Variants in METTL22 observed in about 807,000 individuals in gnomAD.
METTL22 encodes the protein methyltransferase 22, Kin17 lysine, also known as methyltransferase-like protein 22.
In METTL22, 51 loss-of-function variants were observed where a neutral mutation model predicts 48.4. The observed-to-expected ratio is 1.05, with a 90% confidence interval of 0.84 to 1.33. The LOEUF is 1.33. Ranked by LOEUF, METTL22 falls within the 40% of genes most tolerant of loss-of-function variation. The pLI, the probability that METTL22 is intolerant of heterozygous loss-of-function variation, is 0.00. For synonymous variants in METTL22, 255 were observed against 214.1 expected (o/e 1.19, Z -1.67); for missense variants, 678 against 526.9 (o/e 1.29, Z -2.81).
intron 1 of METTL22, among the ~76,000 whole-genome samples, chr16:8,622,835 C>G (rs970864638): frequency 6.6e-6 from 1 of 152,154 alleles, no homozygotes; most frequent in Non-Finnish European, 1.5e-5. Context: ...CTGGAACTTA[C>G]ATTGCAGCGT....
Position 8,639,109 on chromosome 16 carries a change from T to C in METTL22, c.719T>C (p.Leu240Ser), listed in dbSNP as rs762132574. 3.7e-6 allele frequency: 6 copies of C among 1,613,876 alleles called. No individual in the cohort carries two copies. The highest frequency in any genetic ancestry group is 5.1e-6 in the Non-Finnish European group (6 of 1,179,998). Reference protein sequence around the residue: ...VYCTDVGADLLSMCQRNIALN... With the variant: ...VYCTDVGADLSSMCQRNIALN... ...ATTCCAGATGTCGGTGCAGATCTCT[T>C]GTCCATGTGCCAGCGAAACATTGCC... is the stretch of plus-strand genomic sequence containing the variant. The change falls in exon 6 of 11, where the codon TTG becomes TCG. Residue 240 changes from leucine to serine, a missense_variant. Leu to Ser is a moderately radical substitution (Grantham distance 145). Coordinates refer to ENST00000381920, the MANE Select transcript of METTL22 (RefSeq NM_024109.4).
downstream of METTL22, among the ~76,000 whole-genome samples, chr16:8,653,263 G>A (rs1276231847): frequency 6.6e-6 from 1 of 152,178 alleles, no homozygotes; most frequent in Non-Finnish European, 1.5e-5. Flanking sequence ...TTAACCCTCT[G>A]TTAAAATCAC....
chr16:8,634,939 C>G, intron 3 of METTL22, 100 bp from the exon 4 acceptor site: 1 of 1,486,998 alleles, frequency 6.7e-7, no homozygotes, highest in Non-Finnish European at 9.4e-7. Flanking sequence ...CTCTGACGCC[C>G]ATCTGACCGT....
At chr16:8,634,144 T>A (rs942510343) in intron 3 of METTL22, among the ~76,000 whole-genome samples, 3 of 152,230 alleles carry the variant, frequency 2.0e-5, no homozygotes, top group Non-Finnish European at 4.4e-5. Context: ...TATTCAGAGA[T>A]CAGATTCTAA....
chr16:8,642,546 A>G lies in METTL22; in HGVS notation c.991A>G (p.Ile331Val), dbSNP rs1255557146. 3 of 1,614,216 alleles carry G rather than the reference A, an allele frequency of 1.9e-6. No individual in the cohort carries two copies. Among genetic ancestry groups the G allele is most frequent in the Non-Finnish European group, 2.5e-6 (3 of 1,180,044 alleles). The change falls in exon 9 of 11, where the codon ATA (isoleucine) becomes GTA (valine). Residue 331 changes from isoleucine to valine, a missense_variant. Transcript: ENST00000381920. ...CAGATTGAAAAATGCCTGCACAGCCATACTGTCGGTGGAGAAGAGGTGAGC... is the reference window on the plus strand; with the variant it reads ...CAGATTGAAAAATGCCTGCACAGCCGTACTGTCGGTGGAGAAGAGGTGAGC... ...AHRLKNACTA[I>V]LSVEKRLNFT...
intron 5 of METTL22, among the ~76,000 whole-genome samples, chr16:8,635,737 T>C (rs1002728582): frequency 5.9e-5 from 9 of 152,248 alleles, no homozygotes; most frequent in African/African-American, 1.9e-4. Context: ...AAATTACTCA[T>C]AATTTTACAA....
chr16:8,642,535 C>T lies in METTL22; in HGVS notation c.980C>T (p.Ala327Val), dbSNP rs774092602. 2.5e-6 allele frequency: 4 copies of T among 1,614,218 alleles called. No individual in the cohort carries two copies. The highest frequency in any genetic ancestry group is 3.4e-6 in the Non-Finnish European group (4 of 1,180,044). The change falls in exon 9 of 11, where the codon GCC becomes GTC. Residue 327 changes from alanine (A) to valine (V), a missense_variant. Coordinates refer to ENST00000381920, the MANE Select transcript of METTL22 (RefSeq NM_024109.4). ...LSRLAHRLKN[A>V]CTAILSVEKR... ...CGACTCGCCCACAGATTGAAAAATG[C>T]CTGCACAGCCATACTGTCGGTGGAG...
rs2056329659 is a variant in METTL22, at chr16:8,633,529, C to G, written c.515-1510C>G. ...GCTTAGGTGGCAGGGTCACTTGAGC[C>G]TGGGAGGTGGAGGCTGCAGTGAGCC... On this transcript the variant is annotated intron_variant, in intron 3 of 10. Transcript: ENST00000381920. 2.6e-5 allele frequency among the ~76,000 whole-genome samples: 4 copies of G among 152,326 alleles called. No homozygotes were observed. In the South Asian group the frequency reaches 8.3e-4, roughly 32 times the overall value.
At position 8,646,957 on chromosome 16, in the gene METTL22, G is replaced by A. The variant is rs551543318; in HGVS notation, c.*814G>A. 1 of 339,424 alleles carries A rather than the reference G, an allele frequency of 2.9e-6. No individual in the cohort carries two copies. Among genetic ancestry groups the A allele is most frequent in the Non-Finnish European group, 5.8e-6 (1 of 172,472 alleles). The allele number at this position is 339,424 out of a possible 1,614,324, so 21.0% of individuals were successfully genotyped here. ...TTCCTGTCATCCTCTATGTCCCACT[G>A]TCTCTCTCCTTCTCTCCAGTTTTGG... On this transcript the variant is annotated 3_prime_UTR_variant, in exon 11 of 11. Coordinates refer to ENST00000381920, the MANE Select transcript of METTL22 (RefSeq NM_024109.4).
intron 3 of METTL22, 98 bp from the exon 4 acceptor site, chr16:8,634,941 T>C: frequency 1.3e-6 from 2 of 1,517,738 alleles, no homozygotes; most frequent in Non-Finnish European, 1.8e-6. Context: ...CTGACGCCCA[T>C]CTGACCGTGC....
At position 8,630,537 on chromosome 16, in the gene METTL22, G is replaced by C. The variant is rs1005657125; in HGVS notation, c.514+1427G>C. Reference sequence around the variant, plus strand: ...AGGCTTGGAAAGTCCTGCTTCTCAGGGGGGCCGACGATGGCTCATTTCCCT... The same window carrying C: ...AGGCTTGGAAAGTCCTGCTTCTCAGCGGGGCCGACGATGGCTCATTTCCCT... On this transcript the variant is annotated intron_variant, in intron 3 of 10. Coordinates refer to ENST00000381920, the MANE Select transcript of METTL22 (RefSeq NM_024109.4). Among the ~76,000 whole-genome samples the C allele has an allele frequency of 5.3e-5, 8 of 152,242 alleles. No individual in the cohort carries two copies. In the South Asian group the frequency reaches 1.7e-3, roughly 32 times the overall value.
chr16:8,625,134 G>A (rs772166009), intron 1 of METTL22, among the ~76,000 whole-genome samples: 1 of 152,084 alleles, frequency 6.6e-6, no homozygotes, highest in Non-Finnish European at 1.5e-5. Context: ...TGATTATATA[G>A]GGAAATGCTC....
At chr16:8,661,290 C>T in the METTL22 span, among the ~76,000 whole-genome samples, 12,879 of 151,722 alleles carry the variant, frequency 0.085, 727 homozygotes, top group Middle Eastern at 0.13. Context: ...CACGTGAGTT[C>T]TGAGAGCCGC....
intron 5 of METTL22, 107 bp downstream of exon 5, chr16:8,635,419 T>A (rs1741751486): frequency 4.4e-6 from 6 of 1,351,084 alleles, no homozygotes; most frequent in Non-Finnish European, 5.9e-6. Flanking sequence ...TGTTAGCTGT[T>A]GTTGATTTTG....
At chr16:8,639,343 G>T (rs1641050) in intron 6 of METTL22, 181 bp downstream of exon 6, 620,148 of 622,796 alleles carry the variant, frequency 1, 308,810 homozygotes, top group East Asian at 1. Flanking sequence ...ACGCTCCTTG[G>T]GTCACCTCCT....
At chr16:8,661,800 C>T in the METTL22 span, among the ~76,000 whole-genome samples, 108,536 of 143,494 alleles carry the variant, frequency 0.76, 45,580 homozygotes, top group East Asian at 0.99. Flanking sequence ...TTCGAACTCC[C>T]GGCCTCAAGC....
At chr16:8,631,895 C>G (rs867594219) in intron 3 of METTL22, 8 of 152,260 alleles carry the variant, frequency 5.3e-5, no homozygotes, top group Admixed American at 4.6e-4. Flanking sequence ...TCACCTGGGC[C>G]TCCACCCCTA....
At chr16:8,638,869 ACT>A (rs917481276) in intron 5 of METTL22, among the ~76,000 whole-genome samples, 2 of 152,206 alleles carry the variant, frequency 1.3e-5, no homozygotes, top group African/African-American at 2.4e-5. Context: ...TGGAATGCGC[ACT>A]GTCTCTCCCC....
At chr16:8,659,869 C>T in the METTL22 span, among the ~76,000 whole-genome samples, 5 of 151,806 alleles carry the variant, frequency 3.3e-5, no homozygotes, top group South Asian at 8.3e-4. Context: ...GGATTACAGG[C>T]ACAAGTCACC....
Sources: allele counts gnomAD v4.1 joint callset (sites outside exome capture counted in the v4.1 genomes callset), GRCh38; gene constraint gnomAD v4.1.1; transcripts MANE v1.5; gene names NCBI Gene and HGNC (gene_info 2026-07-23, HGNC 2026-07-21).